The following PDXDC1 variants were observed in gnomAD, a reference collection of about 807,000 sequenced individuals.
PDXDC1 encodes the protein pyridoxal-dependent decarboxylase domain-containing protein 1.
Under a neutral mutation model 100.1 loss-of-function variants are expected in PDXDC1, and 42 were observed. That is an observed-to-expected ratio of 0.42 (90% CI 0.33 to 0.54). The LOEUF (loss-of-function observed/expected upper bound fraction) is 0.54. Ranked by LOEUF, PDXDC1 falls within the 20% of genes least tolerant of loss-of-function variation. PDXDC1 has a pLI of 0.10. For synonymous variants in PDXDC1, 260 were observed against 371.7 expected, an observed-to-expected ratio of 0.70 and a Z score of 3.46; for missense variants, 636 against 979.2, an observed-to-expected ratio of 0.65 and a Z score of 4.68.
At chr16:14,986,630 T>C (rs1439695131) in intron 1 of PDXDC1, among the ~76,000 whole-genome samples, 2 of 152,308 alleles carry the variant, frequency 1.3e-5, no homozygotes, top group African/African-American at 2.4e-5. Context: ...ACTTGAAATA[T>C]AATTTATGAA....
intron 16 of PDXDC1, chr16:15,048,158 A>G: frequency 7.8e-7 from 1 of 1,282,164 alleles, no homozygotes; most frequent in Non-Finnish European, 1.1e-6. Context: ...GGAAAAACTA[A>G]AGATGTGGAG....
At chr16:15,055,397 G>A (rs1263875730) in intron 16 of PDXDC1, among the ~76,000 whole-genome samples, 4 of 152,210 alleles carry the variant, frequency 2.6e-5, no homozygotes, top group African/African-American at 7.2e-5. Flanking sequence ...GGGAGAGAGA[G>A]GAGGAAGGAC....
intron 3 of PDXDC1, among the ~76,000 whole-genome samples, chr16:15,001,450 C>T (rs1973130523): frequency 6.6e-6 from 1 of 152,298 alleles, no homozygotes; most frequent in Admixed American, 6.5e-5. Flanking sequence ...GATTATGCCA[C>T]TTCCCTCCAG....
rs199728651 is a variant in PDXDC1, at chr16:15,131,192, A to T, written c.1400-7687A>T. 1,303 of 1,588,510 alleles carry T rather than the reference A, an allele frequency of 8.2e-4. 24 individuals carry two copies. The highest frequency in any genetic ancestry group is 1.0e-3 in the Non-Finnish European group (1,199 of 1,168,768). ...GAGGCCTGGGGCTGGACCACAACGG[A>T]GTTGGCAGAGCTGCGGTGGCCCCGG... On this transcript the variant is annotated intron_variant, in intron 16 of 16. Coordinates refer to the PDXDC1 transcript ENST00000535621.
intron 16 of PDXDC1, among the ~76,000 whole-genome samples, chr16:15,080,641 G>C (rs1391607414): frequency 1.3e-5 from 2 of 152,118 alleles, no homozygotes; most frequent in African/African-American, 4.8e-5. Context: ...ATGTTGCCCA[G>C]GCTGGTCTTC....
chr16:15,093,319 A>G (rs746136052), intron 16 of PDXDC1, among the ~76,000 whole-genome samples: 2 of 152,142 alleles, frequency 1.3e-5, no homozygotes, highest in African/African-American at 2.4e-5. Flanking sequence ...TTTTGTCTTC[A>G]TTCAAGTGGA....
intron 16 of PDXDC1, among the ~76,000 whole-genome samples, chr16:15,050,175 T>C (rs769413261): frequency 6.6e-6 from 1 of 152,214 alleles, no homozygotes; most frequent in Admixed American, 6.5e-5. Flanking sequence ...TTAGTAAGCT[T>C]GTAAAAAAAA....
chr16:15,084,559 A>G, intron 16 of PDXDC1: 1 of 968,686 alleles, frequency 1.0e-6, no homozygotes, highest in Non-Finnish European at 1.6e-6. Flanking sequence ...AAGCTTTAAT[A>G]CTATTAACAT....
intron 14 of PDXDC1, among the ~76,000 whole-genome samples, chr16:15,027,293 C>G (rs574709695): frequency 6.6e-6 from 1 of 152,412 alleles, no homozygotes; most frequent in Non-Finnish European, 1.5e-5. Context: ...CTGCTCAGAC[C>G]TCTAGGAGAG....
chr16:15,094,167 T>A, intron 16 of PDXDC1: 2 of 1,602,208 alleles, frequency 1.2e-6, no homozygotes, highest in Non-Finnish European at 8.5e-7. Flanking sequence ...GCGCCCAGCT[T>A]CTTAACTGCA....
intron 16 of PDXDC1, among the ~76,000 whole-genome samples, chr16:15,129,335 G>C (rs998033608): frequency 3.3e-5 from 5 of 151,690 alleles, no homozygotes; most frequent in South Asian, 4.2e-4. Context: ...CTACTCAGGA[G>C]AATCGCTTAA....
intron 12 of PDXDC1, among the ~76,000 whole-genome samples, chr16:15,020,682 T>C (rs1488540088): frequency 4.6e-5 from 7 of 151,598 alleles, no homozygotes; most frequent in Non-Finnish European, 8.8e-5. Flanking sequence ...CTCAGTCTTT[T>C]AAAAAAAGAA....
chr16:15,054,196 C>G (rs1420076873), intron 16 of PDXDC1, among the ~76,000 whole-genome samples: 1 of 152,232 alleles, frequency 6.6e-6, no homozygotes, highest in Non-Finnish European at 1.5e-5. Context: ...AAATCTCTCT[C>G]GTGCCTGCAT....
chr16:15,083,983 T>C (rs2045809935), intron 16 of PDXDC1, among the ~76,000 whole-genome samples: 1 of 152,358 alleles, frequency 6.6e-6, no homozygotes, highest in African/African-American at 2.4e-5. Flanking sequence ...CCCAAAGTGC[T>C]GGGATTACAG....
intron 16 of PDXDC1, chr16:15,079,941 G>C (rs544021796): frequency 1.3e-6 from 2 of 1,492,258 alleles, no homozygotes; most frequent in South Asian, 2.5e-5. Context: ...CACATACTGT[G>C]ATTATAACAA....
intron 16 of PDXDC1, among the ~76,000 whole-genome samples, chr16:15,088,388 G>C (rs138570366): frequency 4.4e-4 from 67 of 151,974 alleles, no homozygotes; most frequent in African/African-American, 1.5e-3. Flanking sequence ...GATTGCTTGA[G>C]CCTGGGAGGT....
At chr16:15,084,496 A>T in intron 16 of PDXDC1, 3 of 582,328 alleles carry the variant, frequency 5.2e-6, no homozygotes. Flanking sequence ...CACTTTTTGT[A>T]GAATGTAATG....
At chr16:15,140,095 CA>C (rs372891971), downstream of PDXDC1, among the ~76,000 whole-genome samples, 37 of 43,836 alleles carry the variant, frequency 8.4e-4, no homozygotes, top group South Asian at 0.018. Context: ...GACTCCATCT[CA>C]AAAAAAAAAA....
chr16:15,035,385 C>T (rs1264574225), intron 21 of PDXDC1, 64 bp from the exon 22 acceptor site: 9 of 810,076 alleles, frequency 1.1e-5, no homozygotes, highest in Non-Finnish European at 1.8e-5. Context: ...TGTGTGAGGG[C>T]AGGTGGTGTC....
Sources: allele counts gnomAD v4.1 joint callset (sites outside exome capture counted in the v4.1 genomes callset), GRCh38; gene constraint gnomAD v4.1.1; transcripts MANE v1.5; gene names NCBI Gene and HGNC (gene_info 2026-07-23, HGNC 2026-07-21).